The following RBFOX3 variants were observed in gnomAD, a reference collection of about 807,000 sequenced individuals.
RBFOX3 encodes the protein RNA binding protein fox-1 homolog 3.
In RBFOX3, 17 loss-of-function variants were observed where a neutral mutation model predicts 48.7. The observed-to-expected ratio is 0.35, with a 90% CI of 0.24 to 0.52. The LOEUF is 0.52. RBFOX3 is among the 20% of genes least tolerant of loss of function. The pLI is 0.94. For synonymous variants in RBFOX3, 212 were observed against 209.5 expected, an observed-to-expected ratio of 1.01 and a Z score of -0.10; for missense variants, 382 against 497.5, an observed-to-expected ratio of 0.77 and a Z score of 2.21.
chr17:79,136,966 T>A (rs1488644398), intron 4 of RBFOX3, among the ~76,000 whole-genome samples: 3 of 152,170 alleles, frequency 2.0e-5, no homozygotes, highest in Admixed American at 6.5e-5. Flanking sequence ...ACAGCTTGTA[T>A]GGTCCTGGGA....
At chr17:79,487,282 G>A (rs1274910329) in intron 1 of RBFOX3, among the ~76,000 whole-genome samples, 1 of 152,228 alleles carries the variant, frequency 6.6e-6, no homozygotes, top group Non-Finnish European at 1.5e-5. Context: ...CCCTGGGCAA[G>A]GGCAGAGAAG....
chr17:79,591,478 C>T (rs1319325870), intron 1 of RBFOX3, among the ~76,000 whole-genome samples: 2 of 152,190 alleles, frequency 1.3e-5, no homozygotes, highest in African/African-American at 4.8e-5. Context: ...ATTTATTGGG[C>T]ACCTACTGTG....
intron 4 of RBFOX3, among the ~76,000 whole-genome samples, chr17:79,167,225 C>T (rs1276495878): frequency 2.0e-5 from 3 of 152,178 alleles, no homozygotes; most frequent in Non-Finnish European, 4.4e-5. Context: ...AGAACAAGCC[C>T]AGGTACAGTG....
At chr17:79,134,839 C>T (rs1263062929) in intron 4 of RBFOX3, among the ~76,000 whole-genome samples, 1 of 152,214 alleles carries the variant, frequency 6.6e-6, no homozygotes, top group Non-Finnish European at 1.5e-5. Flanking sequence ...GGTGCTGAAA[C>T]AGCTGGTGGG....
chr17:79,319,956 C>G (rs542476437), intron 2 of RBFOX3, among the ~76,000 whole-genome samples: 1 of 144,896 alleles, frequency 6.9e-6, no homozygotes, highest in Non-Finnish European at 1.5e-5. Flanking sequence ...GTCCAGGCTG[C>G]TGGTCTTGTC....
At chr17:79,584,387 A>G (rs2093171899) in intron 1 of RBFOX3, among the ~76,000 whole-genome samples, 1 of 152,362 alleles carries the variant, frequency 6.6e-6, no homozygotes, top group Admixed American at 6.5e-5. Context: ...TCCCACTACC[A>G]GGTATCTACC....
intron 2 of RBFOX3, among the ~76,000 whole-genome samples, chr17:79,437,157 C>A (rs933865347): frequency 6.6e-6 from 1 of 152,154 alleles, no homozygotes; most frequent in Non-Finnish European, 1.5e-5. Context: ...CCCATGCTGA[C>A]CTCATCGCCA....
chr17:79,322,405 G>A (rs1326872553), intron 2 of RBFOX3, among the ~76,000 whole-genome samples: 3 of 152,190 alleles, frequency 2.0e-5, no homozygotes, highest in African/African-American at 7.2e-5. Flanking sequence ...GGGGTGCCCA[G>A]GCAAGCTTCC....
chr17:79,533,226 T>C (rs75348116), intron 1 of RBFOX3, among the ~76,000 whole-genome samples: 9,758 of 152,304 alleles, frequency 0.064, 346 homozygotes, highest in South Asian at 0.11. Flanking sequence ...TGTGTTTCCC[T>C]GGTAGGACGG....
intron 4 of RBFOX3, among the ~76,000 whole-genome samples, chr17:79,196,271 C>A (rs1259391326): frequency 6.6e-6 from 1 of 152,148 alleles, no homozygotes; most frequent in African/African-American, 2.4e-5. Context: ...CACCCAGCCA[C>A]AGCTGTTTCT....
intron 1 of RBFOX3, among the ~76,000 whole-genome samples, chr17:79,538,113 C>T (rs1555789225): frequency 6.6e-6 from 1 of 152,250 alleles, no homozygotes; most frequent in Non-Finnish European, 1.5e-5. Flanking sequence ...TATCCTTCTG[C>T]TATTCAGCTA....
rs1490986875 is a variant in RBFOX3, at chr17:79,418,046, G to T, written c.-175+64408C>A. Among the ~76,000 whole-genome samples, 3 of 152,330 alleles carry T rather than the reference G, an allele frequency of 2.0e-5. No individual in the cohort carries two copies. The highest frequency in any genetic ancestry group is 7.2e-5 in the African/African-American group (3 of 41,586). On this transcript the variant is annotated intron_variant, in intron 2 of 14. Transcript: ENST00000693108. The surrounding 1 kb of genome is among the most constrained non-coding windows in gnomAD (Gnocchi z 5.0). The stretch of plus-strand genomic sequence containing the variant: ...CAGAGACAGAAAGGAGAATGGAGAT[G>T]CCAGGGGCTGGGGAGATAGGAAGGG...
chr17:79,378,948 G>A (rs1034873834), intron 2 of RBFOX3, among the ~76,000 whole-genome samples: 4 of 152,166 alleles, frequency 2.6e-5, no homozygotes, highest in East Asian at 1.9e-4. Context: ...CAGAGGCCCC[G>A]TCCAGGCTGC....
intron 1 of RBFOX3, among the ~76,000 whole-genome samples, chr17:79,594,464 C>T (rs1395687796): frequency 6.6e-6 from 1 of 152,198 alleles, no homozygotes; most frequent in Non-Finnish European, 1.5e-5. Flanking sequence ...CCCCTCCAGG[C>T]TCTGCCTCCC....
Position 79,407,597 on chromosome 17 carries a change from C to T in RBFOX3, c.-175+74857G>A, listed in dbSNP as rs74000059. Among the ~76,000 whole-genome samples the T allele has an allele frequency of 7.4e-3, 1,122 of 152,290 alleles. 12 individuals are homozygous for T. Among genetic ancestry groups the T allele is most frequent in the African/African-American group, 0.026 (1,071 of 41,552 alleles). ...CAATGTGAGACAATAAATGAGGCTCCGCATTTGGCTTCCATTCAAACCAGA... is the reference window on the plus strand; with the variant it reads ...CAATGTGAGACAATAAATGAGGCTCTGCATTTGGCTTCCATTCAAACCAGA... On this transcript the variant is annotated intron_variant, in intron 2 of 14. Transcript: ENST00000693108.
At chr17:79,365,392 T>C (rs546707840) in intron 2 of RBFOX3, among the ~76,000 whole-genome samples, 14 of 152,358 alleles carry the variant, frequency 9.2e-5, no homozygotes, top group African/African-American at 3.4e-4. Flanking sequence ...GAAAGCTGCC[T>C]GGGCATCAAA....
intron 2 of RBFOX3, among the ~76,000 whole-genome samples, chr17:79,320,782 G>A (rs904670264): frequency 6.6e-6 from 1 of 152,066 alleles, no homozygotes; most frequent in African/African-American, 2.4e-5. Flanking sequence ...CTAAAACCTT[G>A]GAGCAGAACT....
In RBFOX3 at chr17:79,095,701, C is replaced by T. The variant is rs568808676; in HGVS notation, c.937-127G>A. ...TGGGAGGGACTACAGACCTTCCCAG[C>T]CTCCCAGCCTCGGCTGGGTAAGGAT... On this transcript the variant is annotated intron_variant, in intron 12 of 14. Transcript: ENST00000693108. 3.1e-4 allele frequency: 231 copies of T among 757,010 alleles called. No individual in the cohort carries two copies. In the African/African-American group the frequency reaches 3.4e-3, roughly 11 times the overall value. The allele number at this position is 757,010 out of a possible 1,614,324, so 46.9% of individuals were successfully genotyped here.
At chr17:79,145,918 G>GC (rs1490426498) in intron 4 of RBFOX3, among the ~76,000 whole-genome samples, 11 of 152,160 alleles carry the variant, frequency 7.2e-5, no homozygotes, top group Middle Eastern at 6.3e-3. Context: ...GCCGCCGGGG[G>GC]CAGGGGGGTG....
Sources: allele counts gnomAD v4.1 joint callset (sites outside exome capture counted in the v4.1 genomes callset), GRCh38; gene constraint gnomAD v4.1.1; non-coding constraint Gnocchi (gnomAD v3.1); transcripts MANE v1.5; gene names NCBI Gene and HGNC (gene_info 2026-07-23, HGNC 2026-07-21).